PAK2: variants seen among roughly 807,000 people sequenced by gnomAD.
The protein encoded by PAK2 is serine/threonine-protein kinase PAK 2.
In PAK2, 21 loss-of-function variants were observed where a neutral mutation model predicts 65.9. The observed-to-expected ratio is 0.32, with a 90% CI of 0.23 to 0.46. The LOEUF (loss-of-function observed/expected upper bound fraction) is 0.46, where lower values mean the gene tolerates loss of function less well. Ranked by LOEUF, PAK2 falls within the 20% of genes least tolerant of loss-of-function variation. The pLI is 1.00. For missense variants in PAK2, 324 were observed against 642.6 expected (o/e 0.50, Z 5.36); for synonymous variants, 204 against 219.7 (o/e 0.93, Z 0.63).
intron 1 of PAK2, among the ~76,000 whole-genome samples, chr3:196,768,460 G>A (rs752078213): frequency 4.6e-5 from 7 of 151,620 alleles, no homozygotes; most frequent in Non-Finnish European, 7.4e-5. Flanking sequence ...TGCTTAACTC[G>A]TTAATTTTTA....
chr3:196,803,313 C>A, intron 4 of PAK2, 149 bp downstream of exon 4: 2 of 560,880 alleles, frequency 3.6e-6, no homozygotes, highest in Non-Finnish European at 5.9e-6. Context: ...GTAGACTGAT[C>A]CAGGGCAGTT....
rs55963334 is a variant in PAK2 at position 196,795,292 on chromosome 3, C to CA, written c.188-6622dup. Among the ~76,000 whole-genome samples, 1,183 of 136,118 alleles carry CA rather than the reference C, an allele frequency of 8.7e-3. 13 individuals are homozygous for CA. Among genetic ancestry groups the CA allele is most frequent in the African/African-American group, 0.029 (1,045 of 35,732 alleles). The allele number at this position is 136,118 out of a possible 152,430, so 89.3% of individuals were successfully genotyped here. A position where few individuals can be genotyped will look rare whatever the true frequency, so the allele number is the denominator to read the frequency against. ...GCAACATGGCAAAATCCCATCTCTA[C>CA]AAAAAAAAAAAAAGAAAAAAAGAAA... On this transcript the variant is annotated intron_variant, in intron 2 of 14. Coordinates refer to ENST00000327134, the MANE Select transcript of PAK2 (RefSeq NM_002577.4).
intron 11 of PAK2, among the ~76,000 whole-genome samples, chr3:196,815,092 A>C (rs1715960157): frequency 6.6e-6 from 1 of 152,044 alleles, no homozygotes; most frequent in Non-Finnish European, 1.5e-5. Flanking sequence ...AAGCAGGAGA[A>C]TGGCGTGAAC....
intron 1 of PAK2, among the ~76,000 whole-genome samples, chr3:196,761,838 C>T (rs1315835909): frequency 4.0e-5 from 1 of 24,840 alleles, no homozygotes; most frequent in Non-Finnish European, 1.0e-4. Flanking sequence ...GGGGGCTGAC[C>T]CCCCCCCACC....
intron 2 of PAK2, among the ~76,000 whole-genome samples, chr3:196,787,728 A>G (rs1042471093): frequency 1.3e-5 from 2 of 152,174 alleles, no homozygotes; most frequent in African/African-American, 4.8e-5. Flanking sequence ...TTTCAGTCTC[A>G]GAGAGACAGA....
At chr3:196,765,959 G>A (rs1714150512) in intron 1 of PAK2, among the ~76,000 whole-genome samples, 1 of 151,332 alleles carries the variant, frequency 6.6e-6, no homozygotes, top group Admixed American at 6.6e-5. Flanking sequence ...GAGTGCAGTG[G>A]CATGATCTCG....
intron 1 of PAK2, among the ~76,000 whole-genome samples, chr3:196,772,692 G>A (rs953468074): frequency 6.6e-6 from 1 of 151,686 alleles, no homozygotes; most frequent in African/African-American, 2.4e-5. Flanking sequence ...TCATCTTCAG[G>A]TGATTTGGAA....
At chr3:196,827,894 C>T (rs111574627) in intron 14 of PAK2, among the ~76,000 whole-genome samples, 1 of 115,872 alleles carries the variant, frequency 8.6e-6, no homozygotes, top group South Asian at 3.4e-4. Flanking sequence ...GTTTGTGCAT[C>T]GTATCAATCC....
chr3:196,752,118 T>C (rs1713623865), intron 1 of PAK2, among the ~76,000 whole-genome samples: 1 of 152,170 alleles, frequency 6.6e-6, no homozygotes, highest in South Asian at 2.1e-4. Context: ...ATTCCAGTAT[T>C]AGAACTCTGA....
intron 2 of PAK2, among the ~76,000 whole-genome samples, chr3:196,790,721 T>A (rs552650938): frequency 4.1e-4 from 63 of 152,146 alleles, no homozygotes; most frequent in Non-Finnish European, 7.9e-4. Flanking sequence ...CCCAGGAGAG[T>A]GCTGTAAAGC....
In PAK2 at chr3:196,814,353, T is replaced by C. The variant is rs139095556; in HGVS notation, c.936-98T>C. ...ACTCTCAAGCTACCAGCTCTAGTTT[T>C]ATTGTTAGGGTGTTTAATATTTGAA... On this transcript the variant is annotated intron_variant, in intron 10 of 14. Transcript: ENST00000327134. The C allele has an allele frequency of 2.1e-4, 129 of 616,606 alleles. 1 individual carries two copies. In the East Asian group the frequency reaches 3.8e-3, roughly 18 times the overall value. The allele number at this position is 616,606 out of a possible 1,614,324, so 38.2% of individuals were successfully genotyped here. A position where few individuals can be genotyped will look rare whatever the true frequency, so the allele number is the denominator to read the frequency against.
chr3:196,748,325 A>G (rs753177868), intron 1 of PAK2, among the ~76,000 whole-genome samples: 3 of 152,174 alleles, frequency 2.0e-5, no homozygotes, highest in Non-Finnish European at 2.9e-5. Flanking sequence ...GTGAACCAGC[A>G]TTCACACATC....
chr3:196,766,014 A>G (rs907520036), intron 1 of PAK2, among the ~76,000 whole-genome samples: 1 of 151,322 alleles, frequency 6.6e-6, no homozygotes, highest in Non-Finnish European at 1.5e-5. Flanking sequence ...ATTCTACCTC[A>G]GTCTCCTGAG....
chr3:196,749,049 C>T (rs1421154118), intron 1 of PAK2, among the ~76,000 whole-genome samples: 1 of 151,592 alleles, frequency 6.6e-6, no homozygotes, highest in East Asian at 1.9e-4. Context: ...CCTCAAGCTT[C>T]ATCTGTGTTG....
chr3:196,799,790 G>A (rs1488638968), intron 2 of PAK2, among the ~76,000 whole-genome samples: 1 of 152,132 alleles, frequency 6.6e-6, no homozygotes, highest in Non-Finnish European at 1.5e-5. Context: ...GCTGAAGTTT[G>A]CATTTTAGAT....
At chr3:196,774,494 T>C (rs1714473168) in intron 1 of PAK2, among the ~76,000 whole-genome samples, 1 of 152,216 alleles carries the variant, frequency 6.6e-6, no homozygotes. Flanking sequence ...TCATTTTCAC[T>C]AAGCCTTGAA....
In PAK2 at chr3:196,820,210, A is replaced by G. The variant is rs560014463; in HGVS notation, c.1154-161A>G. Among the ~76,000 whole-genome samples the G allele has an allele frequency of 2.0e-5, 3 of 152,336 alleles. No homozygotes were observed. Among genetic ancestry groups the G allele is most frequent in the Non-Finnish European group, 4.4e-5 (3 of 68,038 alleles). ...GTAAAATGTGAGAGTGTGTTACATC[A>G]TGAAAATATTTTTAAACTCATTCTG... On this transcript the variant is annotated intron_variant, in intron 12 of 14. Coordinates refer to ENST00000327134, the MANE Select transcript of PAK2 (RefSeq NM_002577.4). The surrounding 1 kb of genome is among the most constrained non-coding windows in gnomAD (Gnocchi z 4.6).
intron 13 of PAK2, among the ~76,000 whole-genome samples, chr3:196,821,716 A>C (rs926213042): frequency 6.6e-6 from 1 of 152,172 alleles, no homozygotes; most frequent in Non-Finnish European, 1.5e-5. Context: ...GTGAGAAGAT[A>C]AGGAAACTAG....
chr3:196,819,501 A>G (rs1474472449), intron 12 of PAK2, among the ~76,000 whole-genome samples: 2 of 152,198 alleles, frequency 1.3e-5, no homozygotes, highest in Non-Finnish European at 2.9e-5. Context: ...GAAAGATCTC[A>G]AGAAATGGTT....
Sources: gnomAD v4.1 joint callset for allele counts (sites outside exome capture counted in the v4.1 genomes callset) on GRCh38, gnomAD v4.1.1 for gene constraint, Gnocchi (gnomAD v3.1) non-coding constraint, MANE v1.5 for transcripts, NCBI Gene and HGNC (gene_info 2026-07-23, HGNC 2026-07-21) for gene names.